Variants in SCIN observed in about 807,000 individuals in gnomAD.
SCIN encodes adseverin.
Under a neutral mutation model 91.8 loss-of-function variants are expected in SCIN, and 91 were observed. The observed-to-expected ratio is 0.99, with a 90% CI of 0.84 to 1.18. SCIN has a LOEUF of 1.18. Among genes scored for constraint, SCIN ranks in the 50% most tolerant of loss-of-function variants. SCIN has a pLI of 0.00. For missense variants in SCIN, 1,087 were observed against 863.9 expected (o/e 1.26, Z -3.24); for synonymous variants, 367 against 312.6 (o/e 1.17, Z -1.84).
chr7:12,629,356 T>A (rs902350236), intron 9 of SCIN, 134 bp downstream of exon 9: 1 of 821,686 alleles, frequency 1.2e-6, no homozygotes, highest in Non-Finnish European at 1.7e-6. Context: ...GCATATAGTA[T>A]TTTCTTTTTA....
intron 9 of SCIN, among the ~76,000 whole-genome samples, chr7:12,629,883 A>G (rs183001577): frequency 1.3e-5 from 2 of 152,272 alleles, no homozygotes; most frequent in East Asian, 3.9e-4. Flanking sequence ...AACAAATTAT[A>G]TAATGTGAAA....
intron 9 of SCIN, among the ~76,000 whole-genome samples, chr7:12,635,422 C>A (rs537150789): frequency 1.3e-4 from 19 of 150,772 alleles, no homozygotes; most frequent in Non-Finnish European, 2.5e-4. Context: ...CCAGCCTGGC[C>A]AACATAGTGA....
intron 11 of SCIN, among the ~76,000 whole-genome samples, chr7:12,641,307 C>G (rs763757792): frequency 5.3e-5 from 8 of 152,190 alleles, no homozygotes; most frequent in Non-Finnish European, 1.2e-4. Flanking sequence ...TTCTCTACGA[C>G]TGTCCTCTGA....
At chr7:12,634,926 C>G (rs990265911) in intron 9 of SCIN, among the ~76,000 whole-genome samples, 9 of 152,146 alleles carry the variant, frequency 5.9e-5, no homozygotes, top group Non-Finnish European at 1.2e-4. Context: ...GTGCCTCACC[C>G]CTTTAATCCT....
chr7:12,647,628 G>C (rs1404422689), intron 13 of SCIN, among the ~76,000 whole-genome samples: 4 of 152,188 alleles, frequency 2.6e-5, no homozygotes, highest in Non-Finnish European at 5.9e-5. Flanking sequence ...GAACAGTGCT[G>C]ACGTCAAGTT....
chr7:12,589,390 A>G (rs568562736), intron 3 of SCIN: 2 of 151,928 alleles, frequency 1.3e-5, no homozygotes, highest in African/African-American at 4.8e-5. Flanking sequence ...CGCCCGGCTA[A>G]TTTTTTCTAT....
chr7:12,572,237 T>C (rs1341760555), intron 1 of SCIN, among the ~76,000 whole-genome samples: 1 of 152,190 alleles, frequency 6.6e-6, no homozygotes, highest in Non-Finnish European at 1.5e-5. Context: ...GAGTCAAAAA[T>C]TTGTGTTAGC....
chr7:12,600,619 G>C (rs529559357), intron 3 of SCIN, among the ~76,000 whole-genome samples: 1 of 152,328 alleles, frequency 6.6e-6, no homozygotes, highest in African/African-American at 2.4e-5. Context: ...AAAAACATTA[G>C]TTTGGGCTCA....
At chr7:12,624,303 G>A (rs1374623480) in intron 5 of SCIN, among the ~76,000 whole-genome samples, 1 of 152,166 alleles carries the variant, frequency 6.6e-6, no homozygotes, top group Non-Finnish European at 1.5e-5. Context: ...GCTGGCCATT[G>A]AAAACCAGTA....
chr7:12,605,201 A>G (rs147291419), intron 4 of SCIN, among the ~76,000 whole-genome samples: 59 of 152,090 alleles, frequency 3.9e-4, no homozygotes, highest in Middle Eastern at 3.4e-3. Flanking sequence ...ACAGGCGCCC[A>G]CCACCATACC....
intron 4 of SCIN, among the ~76,000 whole-genome samples, chr7:12,608,314 C>A (rs1403150256): frequency 1.5e-5 from 1 of 68,632 alleles, no homozygotes; most frequent in Admixed American, 1.9e-4. Flanking sequence ...ACTATGCATG[C>A]ACACATGCAC....
rs771971531 is a variant in SCIN at position 12,570,983 on chromosome 7, T to A, written c.197T>A (p.Leu66His). 3 of 1,549,274 alleles carry A rather than the reference T, an allele frequency of 1.9e-6. No homozygotes were observed. Among genetic ancestry groups the A allele is most frequent in the Non-Finnish European group, 1.7e-6 (2 of 1,145,530 alleles). Residue 66 changes from leucine to histidine, a missense_variant and splice_region_variant, in exon 1 of 16, where the codon CTC (leucine) becomes CAC (histidine). Leu to His is a moderately conservative substitution (Grantham distance 99). Coordinates refer to ENST00000297029, the MANE Select transcript of SCIN (RefSeq NM_001112706.3). Reference protein sequence around the residue: ...RGFTYHLHFWLGKECSQDEST... With the variant: ...RGFTYHLHFWHGKECSQDEST... ...TTCACCTACCACCTGCACTTCTGGC[T>A]CGGTAAGGGACGGCGGGCGGCGGGA...
chr7:12,603,162 T>G (rs1169217182), intron 3 of SCIN, among the ~76,000 whole-genome samples: 1 of 152,114 alleles, frequency 6.6e-6, no homozygotes, highest in Non-Finnish European at 1.5e-5. Flanking sequence ...TTTTTTTTTT[T>G]GAGACAGTGT....
intron 3 of SCIN, among the ~76,000 whole-genome samples, chr7:12,593,433 C>T (rs6972630): frequency 0.87 from 132,354 of 152,172 alleles, 58,343 homozygotes; most frequent in East Asian, 1. Flanking sequence ...GGAAATAAAA[C>T]GGGTATTAAG....
intron 3 of SCIN, among the ~76,000 whole-genome samples, chr7:12,603,560 A>C (rs1038702724): frequency 2.0e-5 from 3 of 152,030 alleles, no homozygotes; most frequent in African/African-American, 7.3e-5. Context: ...GTATTATTCA[A>C]CTTCTCTTTC....
chr7:12,614,223 A>G (rs747172929), intron 4 of SCIN, among the ~76,000 whole-genome samples: 21 of 152,204 alleles, frequency 1.4e-4, no homozygotes, highest in Non-Finnish European at 2.6e-4. Context: ...GCTCACTGGT[A>G]GGCTGAACTT....
intron 13 of SCIN, among the ~76,000 whole-genome samples, chr7:12,648,788 A>T (rs1305711615): frequency 6.6e-6 from 1 of 152,236 alleles, no homozygotes; most frequent in Non-Finnish European, 1.5e-5. Flanking sequence ...GTCAACCCTA[A>T]GGATGAGATT....
In SCIN at chr7:12,649,530, G is replaced by A. The variant is rs1446308681; in HGVS notation, c.1945G>A (p.Asp649Asn). 4 of 1,598,712 alleles carry A rather than the reference G, an allele frequency of 2.5e-6. No homozygotes were observed. The South Asian group carries it at 4.5e-5, about 18-fold the overall frequency. Residue 649 changes from aspartate (D) to asparagine (N), a missense_variant, in exon 14 of 16, where the codon GAT (aspartate) becomes AAT (asparagine). Transcript: ENST00000297029. ...DLAEDDVMLL[D>N]AWEQIFIWIG... Reference sequence around the variant, plus strand: ...AGCTGAAGATGATGTCATGTTACTAGATGCTTGGGAACAGGTAAAACTACA... The same window carrying A: ...AGCTGAAGATGATGTCATGTTACTAAATGCTTGGGAACAGGTAAAACTACA...
rs200421074 is a variant in SCIN at position 12,644,318 on chromosome 7, G to A, written c.1759+3G>A. 2.2e-4 allele frequency: 351 copies of A among 1,577,652 alleles called. No individual in the cohort carries two copies. The highest frequency in any genetic ancestry group is 2.8e-4 in the Non-Finnish European group (329 of 1,160,950). On this transcript the variant is annotated splice_donor_region_variant and intron_variant, in intron 12 of 15. Transcript: ENST00000297029. ...GATCCAAGAAGGCGAGGAGCCAGGT[G>A]TGTGCTCTGGGGCCAAGGGCACTAA...
Sources: gnomAD v4.1 joint callset for allele counts (sites outside exome capture counted in the v4.1 genomes callset) on GRCh38, gnomAD v4.1.1 for gene constraint, MANE v1.5 for transcripts, NCBI Gene and HGNC (gene_info 2026-07-23, HGNC 2026-07-21) for gene names.